The following THAP6 variants were observed in gnomAD, a reference collection of about 807,000 sequenced individuals.
THAP6 encodes THAP domain-containing protein 6.
THAP6 carries 13 observed loss-of-function variants against 20.0 expected under a neutral mutation model. That is an observed-to-expected ratio of 0.65 (90% CI 0.42 to 1.03). THAP6 has a LOEUF of 1.03. Among genes scored for constraint, THAP6 ranks in the 50% least tolerant of loss-of-function variants. THAP6 has a pLI of 0.00. For missense variants in THAP6, 262 were observed against 261.6 expected, an observed-to-expected ratio of 1.00 and a Z score of -0.01; for synonymous variants, 93 against 92.2, an observed-to-expected ratio of 1.01 and a Z score of -0.05.
In THAP6 at chr4:75,546,121, G is replaced by A. The variant is rs6840714; in HGVS notation, c.244-3484G>A. ...AAATTACTTAGCAAAAACCATTTTC[G>A]TTGTATCCAAACCCAGTGTCTTCAG... On this transcript the variant is annotated intron_variant, in intron 3 of 4. Transcript: ENST00000502620. 4.5e-3 allele frequency among the ~76,000 whole-genome samples: 681 copies of A among 152,220 alleles called. 2 individuals carry two copies. The highest frequency in any genetic ancestry group is 0.015 in the African/African-American group (616 of 41,524).
chr4:75,539,961 T>G, intron 2 of THAP6: 1 of 1,535,474 alleles, frequency 6.5e-7, no homozygotes, highest in Non-Finnish European at 8.7e-7. Context: ...AGTGGTCAGG[T>G]AGGCTATTTG....
intron 2 of THAP6, among the ~76,000 whole-genome samples, chr4:75,541,804 A>G (rs112089242): frequency 0.14 from 21,943 of 152,054 alleles, 1,972 homozygotes; most frequent in African/African-American, 0.24. Context: ...AAAAATACAA[A>G]CATTAGCTGG....
At chr4:75,518,603 C>A (rs1725812195) in intron 3 of THAP6, among the ~76,000 whole-genome samples, 1 of 152,168 alleles carries the variant, frequency 6.6e-6, no homozygotes, top group Admixed American at 6.5e-5. Context: ...CTAGAATGCC[C>A]TTCCCAGGGT....
At chr4:75,539,136 G>A (rs574999076) in intron 2 of THAP6, among the ~76,000 whole-genome samples, 77 of 152,262 alleles carry the variant, frequency 5.1e-4, no homozygotes, top group Admixed American at 2.7e-3. Flanking sequence ...ACCAGGGAGC[G>A]CAGCCATATA....
downstream of THAP6, among the ~76,000 whole-genome samples, chr4:75,531,565 T>C (rs1013952655): frequency 3.3e-5 from 5 of 152,202 alleles, no homozygotes; most frequent in African/African-American, 9.7e-5. Flanking sequence ...TCCAAACTTG[T>C]CCTGCATTAG....
At position 75,529,739 on chromosome 4, in the gene THAP6, G is replaced by T; in HGVS notation, c.*2525G>T. The T allele has an allele frequency of 1.0e-6, 1 of 985,372 alleles. No individual in the cohort carries two copies. The highest frequency in any genetic ancestry group is 1.2e-6 in the Non-Finnish European group (1 of 829,932). The allele number at this position is 985,372 out of a possible 1,614,324, so 61.0% of individuals were successfully genotyped here. On this transcript the variant is annotated 3_prime_UTR_variant, in exon 5 of 5. Coordinates refer to ENST00000311638, the MANE Select transcript of THAP6 (RefSeq NM_144721.6). ...CACTTTGCTTTAAAAGCTAGGAGTG[G>T]CCTCTAGAGCCAGGAACACATTAAT...
chr4:75,532,810 A>G (rs889827856), downstream of THAP6, among the ~76,000 whole-genome samples: 13 of 152,282 alleles, frequency 8.5e-5, 1 homozygote, highest in East Asian at 1.9e-3. Context: ...CCTTTCAGCC[A>G]TGGCTGGAGT....
At chr4:75,524,918 A>G (rs1198277754) in intron 4 of THAP6, among the ~76,000 whole-genome samples, 1 of 151,986 alleles carries the variant, frequency 6.6e-6, no homozygotes, top group African/African-American at 2.4e-5. Flanking sequence ...CACCATGCCA[A>G]GCTAATTTTT....
chr4:75,513,958 T>C (rs1725246758), upstream of THAP6: 2 of 481,882 alleles, frequency 4.2e-6, no homozygotes, highest in East Asian at 7.0e-5. Context: ...GAGACCACTG[T>C]GCAAGCCTAA....
chr4:75,542,715 C>T, intron 3 of THAP6: 1 of 383,174 alleles, frequency 2.6e-6, no homozygotes, highest in Non-Finnish European at 4.7e-6. Flanking sequence ...GAGCCAGAGA[C>T]TTTTGTTTTG....
At chr4:75,538,539 C>T (rs955942195) in intron 2 of THAP6, among the ~76,000 whole-genome samples, 4 of 152,112 alleles carry the variant, frequency 2.6e-5, no homozygotes, top group South Asian at 2.1e-4. Flanking sequence ...GTATAATTGG[C>T]TCTTCCACTG....
intron 3 of THAP6, among the ~76,000 whole-genome samples, chr4:75,543,700 T>C (rs1053414154): frequency 6.6e-6 from 1 of 152,170 alleles, no homozygotes; most frequent in Non-Finnish European, 1.5e-5. Context: ...CAGGGTTAAG[T>C]CCTCAGAAGA....
chr4:75,544,644 C>G (rs948755324), intron 3 of THAP6: 4 of 152,072 alleles, frequency 2.6e-5, no homozygotes, highest in African/African-American at 9.7e-5. Context: ...AGGTGTGAGT[C>G]CCCACCACCA....
At chr4:75,517,475 C>T in intron 3 of THAP6, 1 of 152,804 alleles carries the variant, frequency 6.5e-6, no homozygotes, top group Non-Finnish European at 1.5e-5. Context: ...CCAGTAACCA[C>T]TCATAAATAT....
chr4:75,537,385 G>A (rs975213645), intron 2 of THAP6, among the ~76,000 whole-genome samples: 3 of 152,026 alleles, frequency 2.0e-5, no homozygotes, highest in Non-Finnish European at 4.4e-5. Context: ...TCATGAGAGC[G>A]GTTTCCCCCA....
chr4:75,539,306 A>G (rs1401610759), intron 2 of THAP6, among the ~76,000 whole-genome samples: 1 of 152,198 alleles, frequency 6.6e-6, no homozygotes, highest in East Asian at 1.9e-4. Context: ...AGGTACATGA[A>G]GAAGTTTACA....
intron 1 of THAP6, chr4:75,514,789 C>A (rs562682094): frequency 4.6e-4 from 73 of 157,664 alleles, no homozygotes; most frequent in African/African-American, 1.6e-3. Context: ...CTCGCTGGCA[C>A]CTCGAAGTGC....
At chr4:75,538,384 GAA>G (rs36044352) in intron 2 of THAP6, among the ~76,000 whole-genome samples, 7 of 140,692 alleles carry the variant, frequency 5.0e-5, no homozygotes, top group East Asian at 4.1e-4. Flanking sequence ...TCAGTATTGT[GAA>G]AAAAAAAAAA....
At chr4:75,530,935 C>G (rs997873594), downstream of THAP6, among the ~76,000 whole-genome samples, 1 of 152,150 alleles carries the variant, frequency 6.6e-6, no homozygotes, top group African/African-American at 2.4e-5. Context: ...GGCCACCATT[C>G]ATGTCTATCT....
Sources: allele counts gnomAD v4.1 joint callset (sites outside exome capture counted in the v4.1 genomes callset), GRCh38; gene constraint gnomAD v4.1.1; transcripts MANE v1.5; gene names NCBI Gene and HGNC (gene_info 2026-07-23, HGNC 2026-07-21).